The following DNASE1 variants were observed in gnomAD, a reference collection of about 807,000 sequenced individuals.
The protein encoded by DNASE1 is deoxyribonuclease 1, also known as deoxyribonuclease-1.
In DNASE1, 40 loss-of-function variants were observed where a neutral mutation model predicts 33.9. The observed-to-expected ratio is 1.18, with a 90% confidence interval of 0.92 to 1.54. The LOEUF (loss-of-function observed/expected upper bound fraction) is 1.54. DNASE1 is among the 40% of genes most tolerant of loss of function. The probability of loss-of-function intolerance (pLI) is 0.00; values close to 1 mark genes in which losing one functional copy is unlikely to be tolerated. For missense variants in DNASE1, 518 were observed against 372.6 expected, an observed-to-expected ratio of 1.39 and a Z score of -3.21; for synonymous variants, 216 against 160.0, an observed-to-expected ratio of 1.35 and a Z score of -2.64.
At chr16:3,658,650 C>T (rs2042869132), downstream of DNASE1, 1 of 808,074 alleles carries the variant, frequency 1.2e-6, no homozygotes, top group Admixed American at 2.6e-5. Context: ...TCCAGCCTGG[C>T]AACAGAGCAA....
downstream of DNASE1, chr16:3,660,779 C>CTGGGGG (rs1452342673): frequency 6.6e-6 from 1 of 152,150 alleles, no homozygotes; most frequent in Non-Finnish European, 1.5e-5. Context: ...CAAAAACTGG[C>CTGGGGG]TGGGGGTGGT....
At chr16:3,658,433 T>TAA, downstream of DNASE1, 1 of 601,264 alleles carries the variant, frequency 1.7e-6, no homozygotes, top group Non-Finnish European at 2.9e-6. Context: ...TTTCCGTTTT[T>TAA]AAAACAGAAT....
upstream of DNASE1, among the ~76,000 whole-genome samples, chr16:3,640,480 C>G (rs2041999837): frequency 6.6e-6 from 1 of 152,236 alleles, no homozygotes; most frequent in Non-Finnish European, 1.5e-5. Context: ...ATAGGATGTG[C>G]TCTCTTGTCT....
chr16:3,639,301 G>T (rs1158491271), upstream of DNASE1, among the ~76,000 whole-genome samples: 1 of 152,194 alleles, frequency 6.6e-6, no homozygotes, highest in East Asian at 1.9e-4. Flanking sequence ...ACATGAGCTG[G>T]TATGTGGGAC....
intron 1 of DNASE1, among the ~76,000 whole-genome samples, chr16:3,630,494 A>C (rs945716694): frequency 6.6e-6 from 1 of 152,008 alleles, no homozygotes; most frequent in African/African-American, 2.4e-5. Context: ...TCTCCCTTCA[A>C]TTCTGTCAGT....
chr16:3,615,583 A>T (rs916339752), intron 1 of DNASE1, among the ~76,000 whole-genome samples: 2 of 152,228 alleles, frequency 1.3e-5, no homozygotes. Flanking sequence ...AGATGAAAGA[A>T]GATGTCAGAT....
intron 1 of DNASE1, among the ~76,000 whole-genome samples, chr16:3,612,738 A>T (rs1301858014): frequency 2.0e-5 from 3 of 152,072 alleles, no homozygotes; most frequent in African/African-American, 7.2e-5. Context: ...GCCTAATTAC[A>T]GTGAGAACAG....
exon 10 of DNASE1, chr16:3,663,226 G>A (rs2050728490): frequency 4.1e-6 from 3 of 724,188 alleles, no homozygotes; most frequent in Non-Finnish European, 6.6e-6. Flanking sequence ...ACCGTGGCAG[G>A]AGCACTGGAC....
chr16:3,623,859 A>G (rs1053929190), intron 1 of DNASE1, among the ~76,000 whole-genome samples: 1 of 152,254 alleles, frequency 6.6e-6, no homozygotes, highest in African/African-American at 2.4e-5. Context: ...ACAGTGAGAT[A>G]TCATCTTACA....
intron 1 of DNASE1, among the ~76,000 whole-genome samples, chr16:3,634,278 G>T (rs139333750): frequency 0.026 from 3,915 of 151,672 alleles, 82 homozygotes; most frequent in Middle Eastern, 0.065. Flanking sequence ...ACCCAGGCTG[G>T]AGTGCAGTGG....
At chr16:3,663,551 G>A (rs139762156) in exon 10 of DNASE1, 3 of 1,613,820 alleles carry the variant, frequency 1.9e-6, no homozygotes, top group Non-Finnish European at 2.5e-6. Context: ...ACTGCTCAAA[G>A]CAGAAGAGAA....
At chr16:3,658,518 A>G (rs2042857345), downstream of DNASE1, 1 of 569,678 alleles carries the variant, frequency 1.8e-6, no homozygotes, top group South Asian at 2.1e-5. Context: ...CCCCATCTCT[A>G]CTAAAATACA....
In DNASE1 at chr16:3,657,768, G is replaced by T. The variant is rs751042445; in HGVS notation, c.753G>T (p.Ser251=). Residue 251 remains serine (S), a synonymous_variant, in exon 8 of 9, where the codon TCG becomes TCT. Coordinates refer to ENST00000246949, the MANE Select transcript of DNASE1 (RefSeq NM_005223.4). ...MLLRGAVVPD[S]ALPFNFQAAY... Reference sequence around the variant, plus strand: ...TCCGAGGCGCCGTTGTTCCCGACTCGGCTCTTCCCTTTAACTTCCAGGCTG... The same window carrying T: ...TCCGAGGCGCCGTTGTTCCCGACTCTGCTCTTCCCTTTAACTTCCAGGCTG... The T allele has an allele frequency of 2.5e-6, 4 of 1,614,046 alleles. No individual in the cohort carries two copies. Among genetic ancestry groups the T allele is most frequent in the South Asian group, 2.2e-5 (2 of 91,086 alleles).
At chr16:3,623,025 C>T (rs921968492) in intron 1 of DNASE1, among the ~76,000 whole-genome samples, 4 of 152,288 alleles carry the variant, frequency 2.6e-5, no homozygotes, top group Middle Eastern at 3.4e-3. Context: ...GACTCCATCT[C>T]TAATGTACCT....
At chr16:3,624,304 C>G (rs563536264) in intron 1 of DNASE1, among the ~76,000 whole-genome samples, 1 of 151,404 alleles carries the variant, frequency 6.6e-6, no homozygotes, top group Non-Finnish European at 1.5e-5. Context: ...CTTTTGTGTC[C>G]TTGGTTAGCA....
At position 3,657,037 on chromosome 16, in the gene DNASE1, C is replaced by CCTGCATG. The variant is rs763381140; in HGVS notation, c.476_477insTGCATGC (p.Gly160AlafsTer14). The CCTGCATG allele has an allele frequency of 8.7e-6, 14 of 1,613,696 alleles. No homozygotes were observed. The Admixed American group carries it at 2.3e-4, about 27-fold the overall frequency. ...TGCCATTGTTCCCCTGCATGCGGCCCCGGGGGACGCAGTAGCCGAGATCGA... is the reference window on the plus strand; with the variant it reads ...TGCCATTGTTCCCCTGCATGCGGCCCCTGCATGCGGGGGACGCAGTAGCCGAGATCGA... On this transcript the variant is annotated frameshift_variant, in exon 6 of 9. Coordinates refer to ENST00000246949, the MANE Select transcript of DNASE1 (RefSeq NM_005223.4). LOFTEE classifies it high-confidence loss of function.
exon 10 of DNASE1, chr16:3,665,237 G>C (rs901631217): frequency 2.0e-5 from 3 of 152,158 alleles, no homozygotes; most frequent in South Asian, 2.1e-4. Flanking sequence ...ACCAGAACAC[G>C]GCCTCCTTGG....
chr16:3,625,854 C>T (rs772119290), intron 1 of DNASE1, among the ~76,000 whole-genome samples: 2 of 152,036 alleles, frequency 1.3e-5, no homozygotes, highest in Non-Finnish European at 2.9e-5. Flanking sequence ...AATCCCAACA[C>T]TTCAGGAGGC....
chr16:3,642,638 G>A (rs1218204507), upstream of DNASE1, among the ~76,000 whole-genome samples: 1 of 152,250 alleles, frequency 6.6e-6, no homozygotes, highest in African/African-American at 2.4e-5. Flanking sequence ...TAACTACAGT[G>A]TGAGTGAGAT....
Sources: allele counts gnomAD v4.1 joint callset (sites outside exome capture counted in the v4.1 genomes callset), GRCh38; gene constraint gnomAD v4.1.1; transcripts MANE v1.5; gene names NCBI Gene and HGNC (gene_info 2026-07-23, HGNC 2026-07-21).